The following TEK variants were observed in gnomAD, a reference collection of about 807,000 sequenced individuals.
TEK encodes the protein TEK receptor tyrosine kinase.
TEK carries 43 observed loss-of-function variants against 131.8 expected under a neutral mutation model. The ratio of observed to expected loss-of-function variants is 0.33; its 90% confidence interval spans 0.26 to 0.42. The LOEUF (loss-of-function observed/expected upper bound fraction) is 0.42, where lower values mean the gene tolerates loss of function less well. Ranked by LOEUF, TEK falls within the 10% of genes least tolerant of loss-of-function variation. The probability of loss-of-function intolerance (pLI) is 1.00; values close to 1 mark genes in which losing one functional copy is unlikely to be tolerated. For synonymous variants in TEK, 580 were observed against 491.6 expected, an observed-to-expected ratio of 1.18 and a Z score of -2.38; for missense variants, 1,162 against 1,384.4, an observed-to-expected ratio of 0.84 and a Z score of 2.55.
intron 9 of TEK, among the ~76,000 whole-genome samples, chr9:27,186,692 T>C (rs916653158): frequency 2.0e-5 from 3 of 152,196 alleles, no homozygotes; most frequent in Non-Finnish European, 2.9e-5. Context: ...GAGTCTCTTG[T>C]GTTACAGAGG....
At chr9:27,227,259 CATTT>C (rs1826374522) in intron 21 of TEK, among the ~76,000 whole-genome samples, 3 of 152,136 alleles carry the variant, frequency 2.0e-5, no homozygotes, top group Non-Finnish European at 4.4e-5. Context: ...CAGAATTCTG[CATTT>C]TAATAACAGA....
Position 27,157,872 on chromosome 9 carries a change from C to T in TEK, c.94C>T (p.Leu32=), listed in dbSNP as rs750178323. The T allele has an allele frequency of 6.2e-7, 1 of 1,614,048 alleles. No individual in the cohort carries two copies. The highest frequency in any genetic ancestry group is 8.5e-7 in the Non-Finnish European group (1 of 1,179,998). Reference sequence around the variant, plus strand: ...CATGGACTTGATCTTGATCAATTCCCTACCTCTTGTATCTGATGCTGAAAC... The same window carrying T: ...CATGGACTTGATCTTGATCAATTCCTTACCTCTTGTATCTGATGCTGAAAC... ...GAMDLILINS[L]PLVSDAETSL... is the part of the protein sequence containing the mutation. The change falls in exon 2 of 23, where the codon CTA becomes TTA. Residue 32 remains leucine, a synonymous_variant. Transcript: ENST00000380036.
intron 2 of TEK, among the ~76,000 whole-genome samples, chr9:27,161,203 G>A (rs1823534983): frequency 2.0e-5 from 3 of 152,320 alleles, no homozygotes; most frequent in South Asian, 4.1e-4. Context: ...GTTAAATAAG[G>A]CAAAGGCAGA....
Position 27,109,614 on chromosome 9 carries a change from T to A in TEK, c.24T>A (p.Val8=). 5.6e-6 allele frequency: 9 copies of A among 1,614,202 alleles called. No individual in the cohort carries two copies. Among genetic ancestry groups the A allele is most frequent in the Non-Finnish European group, 7.6e-6 (9 of 1,180,032 alleles). Residue 8 remains valine (V), a synonymous_variant, in exon 1 of 23, where the codon GTT becomes GTA. Coordinates refer to ENST00000380036, the MANE Select transcript of TEK (RefSeq NM_000459.5). ...GCATGGACTCTTTAGCCAGCTTAGT[T>A]CTCTGTGGAGTCAGCTTGCTCCTTT... is the stretch of plus-strand genomic sequence containing the variant. MDSLASL[V]LCGVSLLLSG...
intron 1 of TEK, among the ~76,000 whole-genome samples, chr9:27,129,796 C>T (rs1029449057): frequency 6.6e-6 from 1 of 152,132 alleles, no homozygotes; most frequent in African/African-American, 2.4e-5. Context: ...ATGGTTTCTG[C>T]AATTTCTAAA....
At chr9:27,210,885 G>A (rs577539540) in intron 16 of TEK, among the ~76,000 whole-genome samples, 32 of 152,240 alleles carry the variant, frequency 2.1e-4, no homozygotes, top group African/African-American at 7.2e-4. Context: ...TTGGGAGGCC[G>A]AGGCAGGCAG....
intron 2 of TEK, among the ~76,000 whole-genome samples, chr9:27,161,223 T>C (rs1484028392): frequency 1.3e-5 from 2 of 152,234 alleles, no homozygotes; most frequent in Admixed American, 1.3e-4. Context: ...ACCTGGATAG[T>C]GAGAAACACT....
chr9:27,133,957 G>T (rs1363410117), intron 1 of TEK, among the ~76,000 whole-genome samples: 1 of 152,222 alleles, frequency 6.6e-6, no homozygotes, highest in Non-Finnish European at 1.5e-5. Flanking sequence ...TGTGTGAGGA[G>T]TTACTGGCCA....
chr9:27,123,357 C>T (rs375938731), intron 1 of TEK, among the ~76,000 whole-genome samples: 8 of 152,052 alleles, frequency 5.3e-5, no homozygotes, highest in South Asian at 2.1e-4. Context: ...AAAGGATATG[C>T]GGGGGTGTAA....
intron 6 of TEK, among the ~76,000 whole-genome samples, chr9:27,179,143 C>A (rs1438264781): frequency 6.6e-6 from 1 of 152,040 alleles, no homozygotes; most frequent in Non-Finnish European, 1.5e-5. Context: ...TTTTTCCAAC[C>A]TTTTTCCTAC....
At chr9:27,143,727 T>C (rs1223655532) in intron 1 of TEK, among the ~76,000 whole-genome samples, 1 of 152,184 alleles carries the variant, frequency 6.6e-6, no homozygotes, top group Non-Finnish European at 1.5e-5. Context: ...GGAGAAGTTG[T>C]TTTCCTAAGC....
intron 8 of TEK, 129 bp from the exon 9 acceptor site, chr9:27,185,356 G>A: frequency 2.6e-6 from 3 of 1,147,410 alleles, no homozygotes; most frequent in South Asian, 1.3e-5. Flanking sequence ...AATTATATTA[G>A]CATTACATTT....
At chr9:27,159,553 A>AT in intron 2 of TEK, among the ~76,000 whole-genome samples, 1 of 152,230 alleles carries the variant, frequency 6.6e-6, no homozygotes, top group Non-Finnish European at 1.5e-5. Flanking sequence ...AAACACCAGA[A>AT]TTTTGCCGGA....
At chr9:27,140,691 C>T (rs369629571) in intron 1 of TEK, among the ~76,000 whole-genome samples, 3 of 152,040 alleles carry the variant, frequency 2.0e-5, no homozygotes, top group African/African-American at 7.2e-5. Context: ...GATTTTTAGT[C>T]TACTTTATCT....
intron 1 of TEK, among the ~76,000 whole-genome samples, chr9:27,151,899 C>T (rs762859518): frequency 1.3e-5 from 2 of 152,106 alleles, no homozygotes; most frequent in East Asian, 3.9e-4. Flanking sequence ...AACTAAAATC[C>T]AAACAATTTC....
At chr9:27,110,568 T>C (rs1260555268) in intron 1 of TEK, among the ~76,000 whole-genome samples, 3 of 152,202 alleles carry the variant, frequency 2.0e-5, no homozygotes, top group Non-Finnish European at 2.9e-5. Context: ...CGAATTGATA[T>C]TGGAGATGAA....
intron 20 of TEK, 29 bp downstream of exon 20, chr9:27,218,846 A>AGAC (rs1243606777): frequency 1.9e-6 from 3 of 1,611,120 alleles, no homozygotes; most frequent in Non-Finnish European, 8.5e-7. Flanking sequence ...CTACCAGGTG[A>AGAC]GACTCTAGGC....
intron 1 of TEK, among the ~76,000 whole-genome samples, chr9:27,129,833 T>C (rs896061358): frequency 1.3e-5 from 2 of 152,196 alleles, no homozygotes; most frequent in Admixed American, 6.5e-5. Context: ...CTGGCCACAC[T>C]GGATATTCAA....
rs191410058 is a variant in TEK, at chr9:27,130,540, A to G, written c.52+20898A>G. On this transcript the variant is annotated intron_variant, in intron 1 of 22. Transcript: ENST00000380036. ...AGCACACTTGGCTATGTAAATATTTAAAGTGTCAATTCAAGAATAATAAAA... is the reference window on the plus strand; with the variant it reads ...AGCACACTTGGCTATGTAAATATTTGAAGTGTCAATTCAAGAATAATAAAA... Among the ~76,000 whole-genome samples the G allele has an allele frequency of 9.2e-5, 14 of 152,276 alleles. No homozygotes were observed. In the East Asian group the frequency reaches 1.5e-3, roughly 17 times the overall value.
Sources: gnomAD v4.1 joint callset for allele counts (sites outside exome capture counted in the v4.1 genomes callset) on GRCh38, gnomAD v4.1.1 for gene constraint, MANE v1.5 for transcripts, NCBI Gene and HGNC (gene_info 2026-07-23, HGNC 2026-07-21) for gene names.